CADPS: variants seen among roughly 807,000 people sequenced by gnomAD.
CADPS encodes the protein calcium-dependent secretion activator 1.
A neutral mutation model predicts 167.3 loss-of-function variants in CADPS; 57 were observed. The ratio of observed to expected loss-of-function variants is 0.34; its 90% CI spans 0.28 to 0.42. CADPS has a LOEUF of 0.42. Ranked by LOEUF, CADPS falls within the 20% of genes least tolerant of loss-of-function variation. The probability of loss-of-function intolerance (pLI) is 1.00; values close to 1 mark genes in which losing one functional copy is unlikely to be tolerated. For synonymous variants in CADPS, 676 were observed against 635.3 expected (o/e 1.06, Z -0.96); for missense variants, 1,414 against 1,738.1 (o/e 0.81, Z 3.32).
intron 18 of CADPS, 147 bp from the exon 19 acceptor site, chr3:62,493,812 G>A (rs2064156565): frequency 1.1e-5 from 7 of 649,108 alleles, no homozygotes; most frequent in African/African-American, 1.9e-5. Context: ...ATGCTGGCCT[G>A]TCAGCAAAAA....
At chr3:62,669,343 T>C (rs2075099945) in intron 3 of CADPS, among the ~76,000 whole-genome samples, 1 of 152,180 alleles carries the variant, frequency 6.6e-6, no homozygotes, top group African/African-American at 2.4e-5. Flanking sequence ...AGAGACAAGC[T>C]GCTCCAGCAA....
At chr3:62,757,673 C>A (rs972895303) in intron 2 of CADPS, among the ~76,000 whole-genome samples, 1 of 152,118 alleles carries the variant, frequency 6.6e-6, no homozygotes, top group Non-Finnish European at 1.5e-5. Flanking sequence ...TGGGTCCCAG[C>A]TGGTGTAACT....
At chr3:62,585,083 C>A in intron 8 of CADPS, 102 bp downstream of exon 8, 6 of 1,088,926 alleles carry the variant, frequency 5.5e-6, no homozygotes, top group South Asian at 1.5e-5. Context: ...TTTATATTTC[C>A]TTCTACATAG....
chr3:62,496,439 C>A (rs2151205391), intron 18 of CADPS, among the ~76,000 whole-genome samples: 1 of 152,328 alleles, frequency 6.6e-6, no homozygotes, highest in Admixed American at 6.5e-5. Context: ...AATGAATCTG[C>A]TCTCAACACG....
intron 6 of CADPS, among the ~76,000 whole-genome samples, chr3:62,635,473 T>C (rs1390656327): frequency 2.6e-5 from 4 of 152,194 alleles, no homozygotes; most frequent in Non-Finnish European, 5.9e-5. Context: ...TTGTATAGTG[T>C]GCTACTTGCT....
At chr3:62,492,544 G>A in intron 19 of CADPS, 98 bp from the exon 20 acceptor site, 2 of 1,148,320 alleles carry the variant, frequency 1.7e-6, no homozygotes, top group Admixed American at 2.0e-5. Context: ...AAAATTAATG[G>A]TGCATCCAGC....
chr3:62,813,151 A>C (rs1015029483), intron 1 of CADPS, among the ~76,000 whole-genome samples: 1 of 152,176 alleles, frequency 6.6e-6, no homozygotes, highest in African/African-American at 2.4e-5. Flanking sequence ...GGGCCCAAAT[A>C]GCCAAAGCAA....
At chr3:62,726,464 G>C (rs1266187611) in intron 3 of CADPS, among the ~76,000 whole-genome samples, 1 of 151,892 alleles carries the variant, frequency 6.6e-6, no homozygotes, top group African/African-American at 2.4e-5. Flanking sequence ...TTCCTCAGTA[G>C]ATCAGGCCTT....
At chr3:62,859,707 T>C (rs1375897987) in intron 1 of CADPS, among the ~76,000 whole-genome samples, 1 of 152,202 alleles carries the variant, frequency 6.6e-6, no homozygotes. Flanking sequence ...ACAAATTATG[T>C]GGGGCTTTTG....
At chr3:62,590,224 T>C (rs1443302472) in intron 7 of CADPS, among the ~76,000 whole-genome samples, 3 of 151,632 alleles carry the variant, frequency 2.0e-5, no homozygotes, top group Non-Finnish European at 4.4e-5. Context: ...GCATCCTGGA[T>C]CCTGGGTCTT....
chr3:62,612,179 C>T (rs2061593911), intron 6 of CADPS, among the ~76,000 whole-genome samples: 1 of 152,128 alleles, frequency 6.6e-6, no homozygotes, highest in South Asian at 2.1e-4. Context: ...CACTTAAATG[C>T]TATATAACTA....
In CADPS at chr3:62,541,678, C is replaced by A. The variant is rs531495282; in HGVS notation, c.1967-5097G>T. On this transcript the variant is annotated intron_variant, in intron 11 of 29. Transcript: ENST00000383710. ...TTATGTGGGTTTTATACTCTCATCTCATTTAATCTACTTTATTAAAATTCA... is the reference window on the plus strand; with the variant it reads ...TTATGTGGGTTTTATACTCTCATCTAATTTAATCTACTTTATTAAAATTCA... Among the ~76,000 whole-genome samples, 7 of 152,272 alleles carry A rather than the reference C, an allele frequency of 4.6e-5. No homozygotes were observed. The South Asian group carries it at 1.4e-3, about 32-fold the overall frequency.
chr3:62,598,792 A>G (rs2059275144), intron 6 of CADPS, among the ~76,000 whole-genome samples: 1 of 152,186 alleles, frequency 6.6e-6, no homozygotes, highest in South Asian at 2.1e-4. Flanking sequence ...TGCTCATTCC[A>G]TCATTCACTG....
chr3:62,726,344 T>G (rs2076742118), intron 3 of CADPS, among the ~76,000 whole-genome samples: 1 of 151,940 alleles, frequency 6.6e-6, no homozygotes, highest in African/African-American at 2.4e-5. Flanking sequence ...CCTCATAGCA[T>G]AAGTAATGGA....
intron 3 of CADPS, among the ~76,000 whole-genome samples, chr3:62,681,998 C>T (rs1388375061): frequency 6.6e-6 from 1 of 152,056 alleles, no homozygotes; most frequent in African/African-American, 2.4e-5. Flanking sequence ...TCTGTTGATG[C>T]ATTACGAAGT....
chr3:62,779,465 A>G, intron 1 of CADPS: 1 of 535,504 alleles, frequency 1.9e-6, no homozygotes. Context: ...TGACTTTAAA[A>G]TGATCAAAAT....
At chr3:62,576,788 T>TAAAAAAAAAAAAAAAAAAAAAAA (rs138055445) in intron 8 of CADPS, among the ~76,000 whole-genome samples, 2 of 29,870 alleles carry the variant, frequency 6.7e-5, no homozygotes, top group African/African-American at 1.2e-4. Flanking sequence ...AGACTCTGTC[T>TAAAAAAAAAAAAAAAAAAAAAAA]AAAAAAAAAA....
intron 13 of CADPS, among the ~76,000 whole-genome samples, chr3:62,520,298 A>T (rs887421311): frequency 7.9e-5 from 12 of 152,204 alleles, no homozygotes; most frequent in African/African-American, 1.7e-4. Flanking sequence ...AGATGATAAA[A>T]ACTGAACATT....
At chr3:62,522,167 T>C (rs2070815707) in intron 13 of CADPS, among the ~76,000 whole-genome samples, 2 of 151,528 alleles carry the variant, frequency 1.3e-5, no homozygotes, top group South Asian at 4.2e-4. Flanking sequence ...TGAGACAGGG[T>C]CTCATTCAGC....
Sources: allele counts gnomAD v4.1 joint callset (sites outside exome capture counted in the v4.1 genomes callset), GRCh38; gene constraint gnomAD v4.1.1; transcripts MANE v1.5; gene names NCBI Gene and HGNC (gene_info 2026-07-23, HGNC 2026-07-21).